Variants in FNIP2 observed in about 807,000 individuals in gnomAD.
FNIP2 encodes the protein folliculin interacting protein 2, also known as folliculin-interacting protein 2.
A neutral mutation model predicts 108.7 loss-of-function variants in FNIP2; 32 were observed. The ratio of observed to expected loss-of-function variants is 0.29; its 90% CI spans 0.22 to 0.40. The LOEUF (loss-of-function observed/expected upper bound fraction) is 0.40, where lower values mean the gene tolerates loss of function less well. FNIP2 is among the 10% of genes least tolerant of loss of function. The pLI, the probability that FNIP2 is intolerant of heterozygous loss-of-function variation, is 1.00. For missense variants in FNIP2, 1,202 were observed against 1,381.6 expected (o/e 0.87, Z 2.06); for synonymous variants, 480 against 496.7 (o/e 0.97, Z 0.45).
At chr4:158,872,221 T>C in intron 14 of FNIP2, 3 of 985,432 alleles carry the variant, frequency 3.0e-6, no homozygotes, top group Non-Finnish European at 3.6e-6. Flanking sequence ...GGAAATGCAA[T>C]CTATTGATTG....
intron 7 of FNIP2, among the ~76,000 whole-genome samples, chr4:158,847,674 G>T (rs939901587): frequency 1.3e-5 from 2 of 152,074 alleles, no homozygotes; most frequent in Admixed American, 6.5e-5. Flanking sequence ...GCCATAGTGG[G>T]GTAGAGCACC....
chr4:158,896,004 G>A (rs1782637038), intron 16 of FNIP2, 139 bp downstream of exon 16: 1 of 625,652 alleles, frequency 1.6e-6, no homozygotes, highest in Non-Finnish European at 2.9e-6. Flanking sequence ...TCAGATACGT[G>A]CCTCTGCAAC....
At chr4:158,890,170 AC>A (rs2126767741) in intron 14 of FNIP2, 1 of 985,178 alleles carries the variant, frequency 1.0e-6, no homozygotes, top group East Asian at 1.1e-4. Flanking sequence ...AATTATTTGA[AC>A]AGACAAATAA....
chr4:158,789,559 A>G (rs1333487939), intron 1 of FNIP2, among the ~76,000 whole-genome samples: 5 of 152,182 alleles, frequency 3.3e-5, no homozygotes, highest in Non-Finnish European at 7.3e-5. Context: ...TCAATAGTAA[A>G]TGTTCATTCA....
rs185813024 is a variant in FNIP2, at chr4:158,877,104, C to T, written c.2949+6635C>T. Among the ~76,000 whole-genome samples, 12 of 152,320 alleles carry T rather than the reference C, an allele frequency of 7.9e-5. 1 individual carries two copies. The East Asian group carries it at 2.3e-3, about 29-fold the overall frequency. On this transcript the variant is annotated intron_variant, in intron 14 of 16. Transcript: ENST00000264433. ...TGGAGTTCCATATCTCATCATGTAA[C>T]TTGATTCTGATACCCTTTCTGACCT...
intron 12 of FNIP2, among the ~76,000 whole-genome samples, chr4:158,864,364 A>C (rs1205939717): frequency 6.6e-6 from 1 of 152,202 alleles, no homozygotes; most frequent in African/African-American, 2.4e-5. Flanking sequence ...AGCCAAACAA[A>C]TTGCACAAAA....
intron 1 of FNIP2, among the ~76,000 whole-genome samples, chr4:158,790,616 G>A (rs559529005): frequency 6.6e-6 from 1 of 152,204 alleles, no homozygotes; most frequent in African/African-American, 2.4e-5. Context: ...GCATGGTGAT[G>A]CATGCCTGTA....
intron 1 of FNIP2, among the ~76,000 whole-genome samples, chr4:158,798,767 T>G (rs1008877395): frequency 1.3e-5 from 2 of 152,248 alleles, no homozygotes; most frequent in East Asian, 3.8e-4. Flanking sequence ...TTTTGTTTAA[T>G]CCCATTTGGT....
At chr4:158,899,111 G>T (rs1171733090) in intron 16 of FNIP2, among the ~76,000 whole-genome samples, 2 of 152,142 alleles carry the variant, frequency 1.3e-5, no homozygotes, top group Non-Finnish European at 2.9e-5. Context: ...ATAATCATCT[G>T]GTTTTTGTCA....
At position 158,851,326 on chromosome 4, in the gene FNIP2, C is replaced by T. The variant is rs759359634; in HGVS notation, c.733C>T (p.Leu245=). 2.0e-5 allele frequency: 33 copies of T among 1,613,856 alleles called. 2 individuals are homozygous for T. In the South Asian group the frequency reaches 3.5e-4, roughly 17 times the overall value. Residue 245 remains leucine, a synonymous_variant, in exon 8 of 17, where the codon CTA becomes TTA. Coordinates refer to ENST00000264433, the MANE Select transcript of FNIP2 (RefSeq NM_020840.3). ...ATTCCAAATTCTTCCTACAGCCTCA[C>T]TAAGCAGTCTTTTGATCACACCTTT... ...RDSGIARSAS[L]SSLLITPFPS... is the part of the protein sequence containing the mutation.
chr4:158,881,840 G>C (rs1251370186), intron 14 of FNIP2, among the ~76,000 whole-genome samples: 1 of 152,242 alleles, frequency 6.6e-6, no homozygotes, highest in Non-Finnish European at 1.5e-5. Context: ...GCCTCCCAAA[G>C]TGCCGAGATT....
chr4:158,864,782 T>C (rs1406631920), intron 12 of FNIP2, among the ~76,000 whole-genome samples: 1 of 152,058 alleles, frequency 6.6e-6, no homozygotes, highest in African/African-American at 2.4e-5. Context: ...TCTCTACATG[T>C]TTTACCCTCC....
At chr4:158,882,227 G>A (rs1199116814) in intron 14 of FNIP2, among the ~76,000 whole-genome samples, 7 of 150,030 alleles carry the variant, frequency 4.7e-5, no homozygotes, top group African/African-American at 7.4e-5. Flanking sequence ...CCCTCCGCCC[G>A]GCAGCCGCCC....
chr4:158,883,167 A>AT (rs1248654452), intron 14 of FNIP2, among the ~76,000 whole-genome samples: 1 of 152,146 alleles, frequency 6.6e-6, no homozygotes, highest in African/African-American at 2.4e-5. Flanking sequence ...TATCTCAGAG[A>AT]AAAACATAGA....
intron 1 of FNIP2, among the ~76,000 whole-genome samples, chr4:158,785,374 G>A (rs6830034): frequency 0.33 from 49,593 of 151,936 alleles, 10,591 homozygotes; most frequent in East Asian, 0.84. Context: ...ATGAGCCACC[G>A]CGCCTGGCCC....
intron 1 of FNIP2, among the ~76,000 whole-genome samples, chr4:158,815,384 CTT>C (rs58702187): frequency 3.6e-5 from 5 of 137,422 alleles, no homozygotes; most frequent in Non-Finnish European, 1.6e-5. Flanking sequence ...AGTAATCCAG[CTT>C]TTTTTTTTTT....
intron 2 of FNIP2, among the ~76,000 whole-genome samples, chr4:158,827,127 G>A (rs1197295662): frequency 3.9e-5 from 6 of 152,212 alleles, no homozygotes; most frequent in Admixed American, 3.9e-4. Flanking sequence ...GGCTTGTTAG[G>A]TAGGTGAAGG....
chr4:158,875,990 T>C (rs955926226), intron 14 of FNIP2, among the ~76,000 whole-genome samples: 4 of 152,242 alleles, frequency 2.6e-5, no homozygotes, highest in Non-Finnish European at 5.9e-5. Flanking sequence ...TGTGTGTGTG[T>C]ATTTATACAC....
At chr4:158,870,204 C>A in intron 13 of FNIP2, 109 bp from the exon 14 acceptor site, 1 of 1,256,358 alleles carries the variant, frequency 8.0e-7, no homozygotes, top group Non-Finnish European at 1.1e-6. Flanking sequence ...CATGGACCAC[C>A]CTGAATCTAT....
Sources: gnomAD v4.1 joint callset for allele counts (sites outside exome capture counted in the v4.1 genomes callset) on GRCh38, gnomAD v4.1.1 for gene constraint, MANE v1.5 for transcripts, NCBI Gene and HGNC (gene_info 2026-07-23, HGNC 2026-07-21) for gene names.